Variants in FANK1 observed in about 807,000 individuals in gnomAD.
The protein encoded by FANK1 is fibronectin type 3 and ankyrin repeat domains protein 1.
A neutral mutation model predicts 45.3 loss-of-function variants in FANK1; 44 were observed. The observed-to-expected ratio is 0.97, with a 90% CI of 0.76 to 1.25. The LOEUF (loss-of-function observed/expected upper bound fraction) is 1.25. Among genes scored for constraint, FANK1 ranks in the 50% most tolerant of loss-of-function variants. The probability of loss-of-function intolerance (pLI) is 0.00; values close to 1 mark genes in which losing one functional copy is unlikely to be tolerated. For missense variants in FANK1, 391 were observed against 424.4 expected, an observed-to-expected ratio of 0.92 and a Z score of 0.69; for synonymous variants, 149 against 152.5, an observed-to-expected ratio of 0.98 and a Z score of 0.17.
intron 3 of FANK1, among the ~76,000 whole-genome samples, chr10:125,993,333 TCTC>T (rs1952073545): frequency 6.6e-6 from 1 of 152,186 alleles, no homozygotes; most frequent in African/African-American, 2.4e-5. Flanking sequence ...CCACTTTTCT[TCTC>T]CTGGTTAGCA....
At chr10:125,932,507 G>A (rs1355984128) in intron 1 of FANK1, among the ~76,000 whole-genome samples, 1 of 152,062 alleles carries the variant, frequency 6.6e-6, no homozygotes, top group South Asian at 2.1e-4. Flanking sequence ...CCCCTTGGTC[G>A]CTGTTGGTGT....
intron 1 of FANK1, among the ~76,000 whole-genome samples, chr10:125,961,339 G>A (rs990457683): frequency 4.6e-5 from 7 of 151,710 alleles, no homozygotes; most frequent in Admixed American, 3.9e-4. Context: ...GAAACCCCTG[G>A]GGTCAAATGA....
At chr10:125,945,520 C>T (rs900913595) in intron 1 of FANK1, among the ~76,000 whole-genome samples, 1 of 152,204 alleles carries the variant, frequency 6.6e-6, no homozygotes, top group Admixed American at 6.5e-5. Context: ...GTCACTCCCA[C>T]CCGAATATTG....
intron 1 of FANK1, among the ~76,000 whole-genome samples, chr10:125,905,812 A>G (rs1308776581): frequency 6.6e-6 from 1 of 152,304 alleles, no homozygotes; most frequent in Non-Finnish European, 1.5e-5. Flanking sequence ...AGTCCCAGCT[A>G]CTCAGGAAGG....
intron 1 of FANK1, among the ~76,000 whole-genome samples, chr10:125,948,953 G>T (rs1490712649): frequency 6.8e-6 from 1 of 146,650 alleles, no homozygotes; most frequent in African/African-American, 2.6e-5. Flanking sequence ...GGGATGCAAG[G>T]CTGGTTCAAT....
In FANK1 at chr10:125,991,250, G is replaced by GGTGTGTGTGTGTGT. The variant is rs113257579; in HGVS notation, c.316+2590_316+2603dup. Among the ~76,000 whole-genome samples the GGTGTGTGTGTGTGT allele has an allele frequency of 9.0e-3, 1,316 of 145,910 alleles. 15 individuals are homozygous for GGTGTGTGTGTGTGT. The highest frequency in any genetic ancestry group is 0.021 in the African/African-American group (819 of 39,388). ...GGATGAGTGTGTGGTGGTGACCAGG[G>GGTGTGTGTGTGTGT]GTGTGTGTGTGTGTGTGTGTGTGTG... On this transcript the variant is annotated intron_variant, in intron 3 of 10. Coordinates refer to ENST00000368693, the MANE Select transcript of FANK1 (RefSeq NM_145235.5).
At chr10:125,934,771 G>A (rs1341240531) in intron 1 of FANK1, among the ~76,000 whole-genome samples, 2 of 102,254 alleles carry the variant, frequency 2.0e-5, no homozygotes, top group South Asian at 3.6e-4. Flanking sequence ...TGCAAATCAC[G>A]AAGAGAAAGA....
intron 1 of FANK1, chr10:125,907,541 A>G: frequency 2.0e-6 from 2 of 984,342 alleles, no homozygotes; most frequent in Non-Finnish European, 2.4e-6. Flanking sequence ...CTGACGTAAT[A>G]TTGCAAATGT....
chr10:126,005,101 C>G, intron 7 of FANK1, 52 bp downstream of exon 7: 1 of 1,568,972 alleles, frequency 6.4e-7, no homozygotes, highest in South Asian at 1.2e-5. Context: ...ATCTGAAATG[C>G]TGCTCCATGG....
rs1951373552 is a variant in FANK1, at chr10:125,983,771, G to A, written c.191+3433G>A. ...ACTGCCTGGGCCTTGAGGGTTATTGGGAGAACTCTGGCTTACTCTGAGAGA... is the reference window on the plus strand; with the variant it reads ...ACTGCCTGGGCCTTGAGGGTTATTGAGAGAACTCTGGCTTACTCTGAGAGA... On this transcript the variant is annotated intron_variant, in intron 2 of 10. Transcript: ENST00000368693. This position sits in a 1 kb window ranked among gnomAD's most constrained non-coding sequence, Gnocchi z 4.3. Among the ~76,000 whole-genome samples, 1 of 152,146 alleles carries A rather than the reference G, an allele frequency of 6.6e-6. No individual in the cohort carries two copies. Among genetic ancestry groups the A allele is most frequent in the South Asian group, 2.1e-4 (1 of 4,830 alleles).
rs147119859 is a variant in FANK1, at chr10:125,923,095, G to C, written c.13+26440G>C. On this transcript the variant is annotated intron_variant, in intron 1 of 10. Transcript: ENST00000368693. ...CTTTATGGCAAGTTTTTTCATTACT[G>C]ATTCAATATATTTAATCTATGTAAG... is the stretch of plus-strand genomic sequence containing the variant. Among the ~76,000 whole-genome samples the C allele has an allele frequency of 8.2e-3, 1,239 of 151,824 alleles. 20 individuals carry two copies. The highest frequency in any genetic ancestry group is 0.028 in the African/African-American group (1,148 of 41,438).
Position 125,979,388 on chromosome 10 carries a change from A to AG in FANK1, c.14-769dup, listed in dbSNP as rs551113081. 3.3e-3 allele frequency among the ~76,000 whole-genome samples: 502 copies of AG among 152,158 alleles called. 2 individuals carry two copies. The highest frequency in any genetic ancestry group is 0.012 in the African/African-American group (493 of 41,506). On this transcript the variant is annotated intron_variant, in intron 1 of 10. Coordinates refer to ENST00000368693, the MANE Select transcript of FANK1 (RefSeq NM_145235.5). ...TGCTCTGATTTCTGCAGAAGTTTCCAGGGGTGGGATGGTGAGACAGGGATA... is the reference window on the plus strand; with the variant it reads ...TGCTCTGATTTCTGCAGAAGTTTCCAGGGGGTGGGATGGTGAGACAGGGATA...
chr10:125,911,612 T>C (rs1304917393), intron 1 of FANK1, among the ~76,000 whole-genome samples: 1 of 152,252 alleles, frequency 6.6e-6, no homozygotes, highest in South Asian at 2.1e-4. Context: ...TAAATCACTC[T>C]CCTCTAGACG....
chr10:125,941,387 A>G (rs549085974), intron 1 of FANK1, among the ~76,000 whole-genome samples: 178 of 152,372 alleles, frequency 1.2e-3, no homozygotes, highest in Non-Finnish European at 2.1e-3. Flanking sequence ...TTTTGCATCT[A>G]CAGGACTGGC....
chr10:126,005,050 G>A lies in FANK1; in HGVS notation c.705+1G>A, dbSNP rs767818873. 1.9e-6 allele frequency: 3 copies of A among 1,611,956 alleles called. No individual in the cohort carries two copies. The highest frequency in any genetic ancestry group is 2.5e-6 in the Non-Finnish European group (3 of 1,178,652). ...GTGGATGATAAAGGATGGCTGTGAG[G>A]TACGGGACCTGCCTTGTTAACCACG... On this transcript the variant is annotated splice_donor_variant, in intron 7 of 10. Transcript: ENST00000368693. LOFTEE classifies it high-confidence loss of function.
intron 3 of FANK1, chr10:125,988,899 C>T (rs1461463077): frequency 2.9e-6 from 2 of 693,718 alleles, no homozygotes; most frequent in Non-Finnish European, 4.9e-6. Flanking sequence ...TGTGCCAGAA[C>T]TGTCCTGTTA....
At chr10:125,921,435 A>G (rs1203216993) in intron 1 of FANK1, among the ~76,000 whole-genome samples, 4 of 152,224 alleles carry the variant, frequency 2.6e-5, no homozygotes, top group East Asian at 1.9e-4. Flanking sequence ...TTGGAGGAAT[A>G]TGGACTATTT....
chr10:125,952,772 G>T (rs1461872971), intron 1 of FANK1, among the ~76,000 whole-genome samples: 1 of 144,722 alleles, frequency 6.9e-6, no homozygotes, highest in Non-Finnish European at 1.5e-5. Flanking sequence ...TAAGACCTTT[G>T]CTGCTGTGGT....
At chr10:125,989,342 C>T in intron 3 of FANK1, 1 of 1,551,238 alleles carries the variant, frequency 6.4e-7, no homozygotes, top group East Asian at 2.4e-5. Context: ...CCACGGCCCA[C>T]CCACTGAAAA....
Sources: gnomAD v4.1 joint callset for allele counts (sites outside exome capture counted in the v4.1 genomes callset) on GRCh38, gnomAD v4.1.1 for gene constraint, Gnocchi (gnomAD v3.1) non-coding constraint, MANE v1.5 for transcripts, NCBI Gene and HGNC (gene_info 2026-07-23, HGNC 2026-07-21) for gene names.